The following NRG3 variants were observed in gnomAD, a reference collection of about 807,000 sequenced individuals.
NRG3 encodes pro-neuregulin-3, membrane-bound isoform.
In NRG3, 31 loss-of-function variants were observed where a neutral mutation model predicts 66.9. The observed-to-expected ratio is 0.46, with a 90% CI of 0.35 to 0.63. NRG3 has a LOEUF of 0.63. Among genes scored for constraint, NRG3 ranks in the 20% least tolerant of loss-of-function variants. The pLI is 0.00. For synonymous variants in NRG3, 393 were observed against 359.4 expected, an observed-to-expected ratio of 1.09 and a Z score of -1.06; for missense variants, 910 against 878.9, an observed-to-expected ratio of 1.04 and a Z score of -0.45.
intron 3 of NRG3, among the ~76,000 whole-genome samples, chr10:82,828,556 G>C (rs986715839): frequency 6.6e-6 from 1 of 152,132 alleles, no homozygotes; most frequent in Non-Finnish European, 1.5e-5. Context: ...TGGCTCTTGA[G>C]ACCTGGGATA....
chr10:82,397,559 A>G (rs1359074648), intron 2 of NRG3, among the ~76,000 whole-genome samples: 2 of 152,110 alleles, frequency 1.3e-5, no homozygotes, highest in Non-Finnish European at 2.9e-5. Context: ...CCCATTCAGT[A>G]TCTTTTAGAC....
At chr10:81,985,792 C>T (rs2060496157) in intron 1 of NRG3, among the ~76,000 whole-genome samples, 1 of 152,172 alleles carries the variant, frequency 6.6e-6, no homozygotes, top group Non-Finnish European at 1.5e-5. Context: ...AGTGGGTCAT[C>T]AAATCAATTT....
chr10:82,806,335 G>A (rs993275494), intron 3 of NRG3, among the ~76,000 whole-genome samples: 6 of 152,102 alleles, frequency 3.9e-5, no homozygotes, highest in Non-Finnish European at 7.4e-5. Context: ...TAGATAAGAC[G>A]GCATTATTTT....
At chr10:82,716,143 A>G (rs1455889894) in intron 2 of NRG3, among the ~76,000 whole-genome samples, 1 of 152,214 alleles carries the variant, frequency 6.6e-6, no homozygotes, top group African/African-American at 2.4e-5. Flanking sequence ...TGTAGAAATA[A>G]TTTTAAAAAC....
intron 4 of NRG3, among the ~76,000 whole-genome samples, chr10:82,950,354 G>A (rs1849405277): frequency 6.6e-6 from 1 of 152,138 alleles, no homozygotes; most frequent in Non-Finnish European, 1.5e-5. Context: ...GTTGTGTCAG[G>A]TGTGTGAGTA....
intron 2 of NRG3, among the ~76,000 whole-genome samples, chr10:82,600,717 C>T (rs35978343): frequency 6.6e-6 from 1 of 152,132 alleles, no homozygotes; most frequent in Admixed American, 6.5e-5. Context: ...ATCCTTTCAC[C>T]TTAGCCTCCC....
At chr10:82,728,059 T>C (rs2057700957) in intron 2 of NRG3, among the ~76,000 whole-genome samples, 1 of 152,166 alleles carries the variant, frequency 6.6e-6, no homozygotes, top group Non-Finnish European at 1.5e-5. Context: ...GTGCCCCCAG[T>C]GTATCTAGGA....
chr10:82,978,908 C>A (rs1229499026), intron 7 of NRG3, 42 bp from the exon 8 acceptor site: 1 of 1,595,372 alleles, frequency 6.3e-7, no homozygotes, highest in African/African-American at 1.3e-5. Context: ...GCTATGATGT[C>A]TTTTGTTTGT....
intron 2 of NRG3, among the ~76,000 whole-genome samples, chr10:82,711,779 TTA>T: frequency 6.6e-6 from 1 of 152,300 alleles, no homozygotes; most frequent in East Asian, 1.9e-4. Context: ...CTGCCATTCT[TTA>T]TGTCTTATAG....
intron 2 of NRG3, among the ~76,000 whole-genome samples, chr10:82,545,583 G>A (rs1316568959): frequency 6.6e-6 from 1 of 151,434 alleles, no homozygotes; most frequent in Non-Finnish European, 1.5e-5. Context: ...GGGTTTCACC[G>A]TGTTAGCCAA....
At chr10:82,520,128 G>T (rs960729559) in intron 2 of NRG3, among the ~76,000 whole-genome samples, 1 of 150,208 alleles carries the variant, frequency 6.7e-6, no homozygotes, top group African/African-American at 2.5e-5. Flanking sequence ...TGAGAAGATG[G>T]ATTGTCTAAT....
At chr10:82,361,406 A>T (rs1038367829) in intron 2 of NRG3, among the ~76,000 whole-genome samples, 1 of 152,238 alleles carries the variant, frequency 6.6e-6, no homozygotes, top group Non-Finnish European at 1.5e-5. Context: ...TAAATCACAC[A>T]TCACATGTGC....
At chr10:82,236,768 T>C (rs937793725) in intron 1 of NRG3, among the ~76,000 whole-genome samples, 1 of 135,346 alleles carries the variant, frequency 7.4e-6, no homozygotes, top group African/African-American at 2.8e-5. Flanking sequence ...CAGGCTGGAG[T>C]GCAGTGGTGC....
At chr10:82,730,050 A>G (rs989961672) in intron 2 of NRG3, among the ~76,000 whole-genome samples, 1 of 151,690 alleles carries the variant, frequency 6.6e-6, no homozygotes, top group Non-Finnish European at 1.5e-5. Context: ...ACTTTGCTAA[A>G]GGGAAAATCC....
intron 1 of NRG3, among the ~76,000 whole-genome samples, chr10:82,262,921 T>C (rs183353955): frequency 9.2e-5 from 14 of 152,288 alleles, no homozygotes; most frequent in African/African-American, 3.4e-4. Flanking sequence ...TAACCTAATT[T>C]TTATCTGGAA....
intron 3 of NRG3, among the ~76,000 whole-genome samples, chr10:82,782,513 G>A (rs2060160415): frequency 6.6e-6 from 1 of 151,970 alleles, no homozygotes; most frequent in South Asian, 2.1e-4. Context: ...CTCAGCAAAA[G>A]ACAAACTAAG....
chr10:82,570,207 C>G (rs1257118437), intron 2 of NRG3, among the ~76,000 whole-genome samples: 1 of 151,606 alleles, frequency 6.6e-6, no homozygotes, highest in Non-Finnish European at 1.5e-5. Context: ...TATGCTATTA[C>G]TTAAAATAGT....
intron 3 of NRG3, among the ~76,000 whole-genome samples, chr10:82,847,999 T>C (rs150727188): frequency 0.01 from 1,569 of 152,272 alleles, 12 homozygotes; most frequent in Non-Finnish European, 0.016. Flanking sequence ...GAAAAAAGCA[T>C]GACAGTAAAA....
At chr10:82,575,087 A>T (rs2045954299) in intron 2 of NRG3, among the ~76,000 whole-genome samples, 1 of 151,772 alleles carries the variant, frequency 6.6e-6, no homozygotes, top group Non-Finnish European at 1.5e-5. Context: ...AAAGAAATAA[A>T]AGCTAAGTAT....
Sources: gnomAD v4.1 joint callset for allele counts (sites outside exome capture counted in the v4.1 genomes callset) on GRCh38, gnomAD v4.1.1 for gene constraint, MANE v1.5 for transcripts, NCBI Gene and HGNC (gene_info 2026-07-23, HGNC 2026-07-21) for gene names.